ARFGEF3: variants seen among roughly 807,000 people sequenced by gnomAD.
The protein encoded by ARFGEF3 is brefeldin A-inhibited guanine nucleotide-exchange protein 3.
ARFGEF3 carries 96 observed loss-of-function variants against 221.7 expected under a neutral mutation model. The observed-to-expected ratio is 0.43, with a 90% CI of 0.37 to 0.51. ARFGEF3 has a LOEUF of 0.51. Ranked by LOEUF, ARFGEF3 falls within the 20% of genes least tolerant of loss-of-function variation. ARFGEF3 has a pLI of 0.00. For missense variants in ARFGEF3, 2,410 were observed against 2,789.9 expected (o/e 0.86, Z 3.07); for synonymous variants, 1,145 against 1,126.8 (o/e 1.02, Z -0.32).
rs112402381 is a variant in ARFGEF3 at position 138,162,870 on chromosome 6, A to G, written c.85+699A>G. On this transcript the variant is annotated intron_variant, in intron 1 of 33. Coordinates refer to ENST00000251691, the MANE Select transcript of ARFGEF3 (RefSeq NM_020340.5). The surrounding 1 kb of genome is among the most constrained non-coding windows in gnomAD (Gnocchi z 4.7). ...ATTTCAGTTAGGCGGGGTTTGGGCA[A>G]TCAAAATGGTCAGGATGGTAATGCA... Among the ~76,000 whole-genome samples the G allele has an allele frequency of 0.012, 1,865 of 152,318 alleles. 22 individuals are homozygous for G. Among genetic ancestry groups the G allele is most frequent in the Middle Eastern group, 0.034 (10 of 294 alleles).
rs772031054 is a variant in ARFGEF3 at position 138,311,463 on chromosome 6, A to G, written c.4153A>G (p.Thr1385Ala). The G allele has an allele frequency of 6.2e-7, 1 of 1,608,568 alleles. No homozygotes were observed. Among genetic ancestry groups the G allele is most frequent in the Non-Finnish European group, 8.5e-7 (1 of 1,177,860 alleles). ...DCAPAPGAPS[T>A]DLCLPALDYL... is the part of the protein sequence containing the mutation. ...TGCCCCAGCACCCGGAGCCCCGTCC[A>G]CAGACCTGTGCCTCCCGGCCCTGGA... The change falls in exon 25 of 34, where the codon ACA becomes GCA. Residue 1385 changes from threonine to alanine, a missense_variant. By Grantham distance (58) the Thr-to-Ala change is moderately conservative. Coordinates refer to ENST00000251691, the MANE Select transcript of ARFGEF3 (RefSeq NM_020340.5).
chr6:138,211,095 T>C (rs1300088447), intron 4 of ARFGEF3, among the ~76,000 whole-genome samples: 1 of 152,198 alleles, frequency 6.6e-6, no homozygotes, highest in Non-Finnish European at 1.5e-5. Context: ...TCCTTGTGTG[T>C]AAAATGGGGG....
chr6:138,291,685 C>A lies in ARFGEF3; in HGVS notation c.3048-48C>A. 7.9e-7 allele frequency: 1 copy of A among 1,260,142 alleles called. No individual in the cohort carries two copies. The highest frequency in any genetic ancestry group is 1.0e-6 in the Non-Finnish European group (1 of 980,888). 78.1% of individuals were successfully genotyped at this position (1,260,142 alleles called of 1,614,324 possible). On this transcript the variant is annotated intron_variant, in intron 18 of 33. Coordinates refer to ENST00000251691, the MANE Select transcript of ARFGEF3 (RefSeq NM_020340.5). This position sits in a 1 kb window ranked among gnomAD's most constrained non-coding sequence, Gnocchi z 4.5. ...GGCACTGTGGGGTTTATGGAGCTGC[C>A]GGGGTGAGCTGCAGCGCCTAACAGC...
At chr6:138,206,927 A>G (rs1410966531) in intron 2 of ARFGEF3, 115 bp from the exon 3 acceptor site, 8 of 704,108 alleles carry the variant, frequency 1.1e-5, no homozygotes, top group Non-Finnish European at 2.0e-5. Flanking sequence ...ATTATTGGTT[A>G]TAGTTTTTGT....
chr6:138,317,757 G>A (rs1378981146), intron 27 of ARFGEF3, among the ~76,000 whole-genome samples: 2 of 152,102 alleles, frequency 1.3e-5, no homozygotes, highest in East Asian at 3.9e-4. Context: ...TGGCCCTTGG[G>A]CTGTTGGTTG....
At chr6:138,222,731 A>G (rs572062208) in intron 4 of ARFGEF3, among the ~76,000 whole-genome samples, 14 of 152,324 alleles carry the variant, frequency 9.2e-5, no homozygotes, top group Non-Finnish European at 1.8e-4. Context: ...TTTTTAAAAA[A>G]CTTCAATAGC....
intron 8 of ARFGEF3, among the ~76,000 whole-genome samples, chr6:138,251,494 C>T (rs1001716386): frequency 1.3e-5 from 2 of 152,146 alleles, no homozygotes; most frequent in African/African-American, 2.4e-5. Context: ...CTCTCTTCCT[C>T]GTAAAGCAAA....
At position 138,341,466 on chromosome 6, in the gene ARFGEF3, G is replaced by T. The variant is rs889474249; in HGVS notation, c.*4980G>T. The stretch of plus-strand genomic sequence containing the variant: ...AGGAAAATCCAGAGTCTTGCAGTAA[G>T]CAGATGACAAAACTTCAATATGCTT... On this transcript the variant is annotated 3_prime_UTR_variant, in exon 34 of 34. Transcript: ENST00000251691. 6.5e-6 allele frequency: 1 copy of T among 154,826 alleles called. No homozygotes were observed. The highest frequency in any genetic ancestry group is 6.5e-5 in the Admixed American group (1 of 15,284). 9.6% of individuals were successfully genotyped at this position (154,826 alleles called of 1,614,324 possible).
chr6:138,185,738 C>T (rs934946733), intron 2 of ARFGEF3, among the ~76,000 whole-genome samples: 1 of 152,138 alleles, frequency 6.6e-6, no homozygotes, highest in Admixed American at 6.5e-5. Context: ...AGAGCCTCGA[C>T]CTTTCTCCAT....
At chr6:138,305,425 A>AC (rs1779702204) in intron 22 of ARFGEF3, among the ~76,000 whole-genome samples, 1 of 151,634 alleles carries the variant, frequency 6.6e-6, no homozygotes, top group Admixed American at 6.6e-5. Context: ...ACACAGTGAG[A>AC]CCCCCATCTC....
chr6:138,229,369 G>A (rs1490684587), intron 4 of ARFGEF3, among the ~76,000 whole-genome samples: 1 of 152,156 alleles, frequency 6.6e-6, no homozygotes, highest in Non-Finnish European at 1.5e-5. Context: ...CCAGTAAAAC[G>A]GGGGCAATAA....
chr6:138,270,091 G>A (rs976298291), intron 12 of ARFGEF3, among the ~76,000 whole-genome samples: 4 of 152,198 alleles, frequency 2.6e-5, no homozygotes, highest in Middle Eastern at 3.4e-3. Flanking sequence ...AGCTAAATAC[G>A]GCTGCTTTCA....
chr6:138,281,967 T>C (rs1779203454), intron 14 of ARFGEF3, among the ~76,000 whole-genome samples: 1 of 152,032 alleles, frequency 6.6e-6, no homozygotes, highest in Non-Finnish European at 1.5e-5. Flanking sequence ...TTTTGTTTGG[T>C]TGTTTTCTTA....
intron 24 of ARFGEF3, among the ~76,000 whole-genome samples, chr6:138,309,687 C>G (rs761590104): frequency 5.4e-4 from 82 of 152,210 alleles, no homozygotes; most frequent in Non-Finnish European, 1.0e-3. Context: ...TGGCTCAGTT[C>G]AAGTTCAAAG....
intron 1 of ARFGEF3, 64 bp from the exon 2 acceptor site, chr6:138,170,598 C>A (rs145455586): frequency 2.3e-6 from 2 of 859,622 alleles, no homozygotes; most frequent in East Asian, 2.6e-5. Flanking sequence ...CAGAGAAATT[C>A]ATGTACAATG....
chr6:138,289,737 C>A, intron 17 of ARFGEF3, 81 bp from the exon 18 acceptor site: 1 of 1,453,744 alleles, frequency 6.9e-7, no homozygotes, highest in Non-Finnish European at 9.4e-7. Context: ...TTTGCCCTTG[C>A]ATGACACACA....
chr6:138,242,028 A>C (rs1778401698), intron 6 of ARFGEF3, among the ~76,000 whole-genome samples: 1 of 152,238 alleles, frequency 6.6e-6, no homozygotes, highest in South Asian at 2.1e-4. Context: ...ACTTGACTTT[A>C]GCCATTCTGA....
intron 26 of ARFGEF3, among the ~76,000 whole-genome samples, chr6:138,314,842 A>C (rs1054320195): frequency 9.9e-5 from 15 of 152,224 alleles, no homozygotes. Context: ...CATAAGAATG[A>C]GCATCTATTT....
Position 138,301,429 on chromosome 6 carries a change from A to G in ARFGEF3, c.3828+2644A>G, listed in dbSNP as rs1779627034. 2.0e-5 allele frequency among the ~76,000 whole-genome samples: 3 copies of G among 152,244 alleles called. No individual in the cohort carries two copies. The South Asian group carries it at 6.2e-4, about 32-fold the overall frequency. On this transcript the variant is annotated intron_variant, in intron 22 of 33. Transcript: ENST00000251691. ...CAGCGTGAGGCTGACTGAGACAATC[A>G]TCAGCTTTTCTACCATCAGGGACAG...
Sources: allele counts gnomAD v4.1 joint callset (sites outside exome capture counted in the v4.1 genomes callset), GRCh38; gene constraint gnomAD v4.1.1; non-coding constraint Gnocchi (gnomAD v3.1); transcripts MANE v1.5; gene names NCBI Gene and HGNC (gene_info 2026-07-23, HGNC 2026-07-21).